Variants in PCDHA11 observed in about 807,000 individuals in gnomAD.
PCDHA11 encodes the protein protocadherin alpha-11.
A neutral mutation model predicts 70.3 loss-of-function variants in PCDHA11; 61 were observed. The observed-to-expected ratio is 0.87, with a 90% CI of 0.71 to 1.07. PCDHA11 has a LOEUF of 1.07. PCDHA11 is among the 50% of genes least tolerant of loss of function. The pLI, the probability that PCDHA11 is intolerant of heterozygous loss-of-function variation, is 0.00. For missense variants in PCDHA11, 1,324 were observed against 1,237.5 expected, an observed-to-expected ratio of 1.07 and a Z score of -1.05; for synonymous variants, 633 against 555.1, an observed-to-expected ratio of 1.14 and a Z score of -1.97.
At chr5:140,918,155 A>T (rs1453787502) in intron 1 of PCDHA11, among the ~76,000 whole-genome samples, 1 of 152,054 alleles carries the variant, frequency 6.6e-6, no homozygotes, top group Admixed American at 6.5e-5. Flanking sequence ...GTGTATGTCT[A>T]TTGTAAATGG....
Position 140,884,200 on chromosome 5 carries a change from C to T in PCDHA11, c.2391+12706C>T, listed in dbSNP as rs2060048327. 2.5e-6 allele frequency: 4 copies of T among 1,613,458 alleles called. No individual in the cohort carries two copies. The Admixed American group carries it at 5.0e-5, about 20-fold the overall frequency. Reference sequence around the variant, plus strand: ...CTCTGGACGAGGTGGACGCGCCGCACCACCGCCTTCTGGTGCTGGTGAAGG... The same window carrying T: ...CTCTGGACGAGGTGGACGCGCCGCATCACCGCCTTCTGGTGCTGGTGAAGG... On this transcript the variant is annotated intron_variant, in intron 1 of 3. Transcript: ENST00000398640.
chr5:140,876,051 A>G, intron 1 of PCDHA11: 2 of 1,613,956 alleles, frequency 1.2e-6, no homozygotes, highest in African/African-American at 2.7e-5. Flanking sequence ...TATTGCCTGA[A>G]TTAGTTCTTC....
intron 1 of PCDHA11, among the ~76,000 whole-genome samples, chr5:140,871,869 T>C (rs1230282991): frequency 6.6e-6 from 1 of 152,230 alleles, no homozygotes; most frequent in Non-Finnish European, 1.5e-5. Context: ...TATGGATTAT[T>C]TAAATTTGCT....
At chr5:140,978,910 T>C in intron 1 of PCDHA11, 39 bp from the exon 2 acceptor site, 1 of 1,613,896 alleles carries the variant, frequency 6.2e-7, no homozygotes, top group Non-Finnish European at 8.5e-7. Context: ...GAACATTGTC[T>C]TGTCATTTTA....
chr5:140,906,050 G>T (rs560570961), intron 1 of PCDHA11, among the ~76,000 whole-genome samples: 2 of 152,268 alleles, frequency 1.3e-5, no homozygotes, highest in African/African-American at 4.8e-5. Flanking sequence ...TATTCTGGCT[G>T]CACTGGCAGC....
At chr5:140,917,518 C>T (rs1159309425) in intron 1 of PCDHA11, among the ~76,000 whole-genome samples, 3 of 152,198 alleles carry the variant, frequency 2.0e-5, no homozygotes, top group Non-Finnish European at 4.4e-5. Context: ...AGGTTTTATT[C>T]TACGGTTTGT....
chr5:141,000,421 A>ATTTTTTTTTTTTT (rs34755515), intron 3 of PCDHA11, among the ~76,000 whole-genome samples: 1 of 27,968 alleles, frequency 3.6e-5, no homozygotes, highest in African/African-American at 1.8e-4. Flanking sequence ...ATATATATAT[A>ATTTTTTTTTTTTT]TTTTTTTTTT....
intron 1 of PCDHA11, among the ~76,000 whole-genome samples, chr5:140,939,735 G>A (rs2092448026): frequency 6.6e-6 from 1 of 152,174 alleles, no homozygotes; most frequent in South Asian, 2.1e-4. Flanking sequence ...GTGTGTAGCT[G>A]TGTATCATTC....
At chr5:140,896,661 G>A (rs553525837) in intron 1 of PCDHA11, among the ~76,000 whole-genome samples, 1 of 152,220 alleles carries the variant, frequency 6.6e-6, no homozygotes. Context: ...ACAGGCATGA[G>A]TCACTGTGCC....
chr5:140,928,690 A>AT lies in PCDHA11; in HGVS notation c.2392-50258dup, dbSNP rs2085447249. On this transcript the variant is annotated intron_variant, in intron 1 of 3. Transcript: ENST00000398640. ...TTCTAATGCCTGGCTTTCCTACCAC[A>AT]TCTCCCGGGCGTCTGACTCTAGTCT... 6 of 1,614,180 alleles carry AT rather than the reference A, an allele frequency of 3.7e-6. No homozygotes were observed. The African/African-American group carries it at 4.0e-5, about 11-fold the overall frequency.
chr5:140,884,410 G>T, intron 1 of PCDHA11: 1 of 1,614,008 alleles, frequency 6.2e-7, no homozygotes, highest in South Asian at 1.1e-5. Context: ...TGGTGCTCAC[G>T]TTGCTGCTGT....
At chr5:140,886,923 A>G (rs2061226884) in intron 1 of PCDHA11, among the ~76,000 whole-genome samples, 1 of 151,812 alleles carries the variant, frequency 6.6e-6, no homozygotes, top group Non-Finnish European at 1.5e-5. Context: ...AGTGTTCTCT[A>G]TGTGCCAGGC....
At chr5:140,975,053 A>C (rs2096651589) in intron 1 of PCDHA11, among the ~76,000 whole-genome samples, 1 of 152,144 alleles carries the variant, frequency 6.6e-6, no homozygotes, top group Admixed American at 6.5e-5. Flanking sequence ...GGAAGAATCT[A>C]CTATCGAGCT....
chr5:140,871,117 G>A lies in PCDHA11; in HGVS notation c.2014G>A (p.Gly672Arg), dbSNP rs2052723130. Reference sequence around the variant, plus strand: ...CGTGCTGGTGTCGTTGGTGGAGAGCGGACAGGCGCCAAAGGCCTCTTCCCG... The same window carrying A: ...CGTGCTGGTGTCGTTGGTGGAGAGCAGACAGGCGCCAAAGGCCTCTTCCCG... ...ATVLVSLVES[G>R]QAPKASSRTL... The change falls in exon 1 of 4, where the codon GGA (glycine) becomes AGA (arginine). Residue 672 changes from glycine (G) to arginine (R), a missense_variant. Transcript: ENST00000398640. 6.2e-7 allele frequency: 1 copy of A among 1,613,286 alleles called. No homozygotes were observed. The highest frequency in any genetic ancestry group is 2.2e-5 in the East Asian group (1 of 44,858).
Position 140,979,003 on chromosome 5 carries a change from C to G in PCDHA11, c.2446C>G (p.His816Asp). ...RYSASLRAGM[H>D]SSVHLEEAGI... Reference sequence around the variant, plus strand: ...CTCTGCCTCCCTGAGAGCAGGCATGCACAGGTATGTATTTCCCTCCTCATT... The same window carrying G: ...CTCTGCCTCCCTGAGAGCAGGCATGGACAGGTATGTATTTCCCTCCTCATT... The change falls in exon 2 of 4, where the codon CAC becomes GAC. Residue 816 changes from histidine (H) to aspartate (D), a missense_variant. By Grantham distance (81) the His-to-Asp change is moderately conservative. Transcript: ENST00000398640. 1.2e-6 allele frequency: 2 copies of G among 1,614,144 alleles called. No homozygotes were observed. The highest frequency in any genetic ancestry group is 1.7e-6 in the Non-Finnish European group (2 of 1,180,022).
rs1408684171 is a variant in PCDHA11 at position 140,870,608 on chromosome 5, C to G, written c.1505C>G (p.Ala502Gly). Residue 502 changes from alanine (A) to glycine (G), a missense_variant, in exon 1 of 4, where the codon GCG becomes GGG. By Grantham distance (60) the Ala-to-Gly change is moderately conservative. Transcript: ENST00000398640. ...SLVERRLGDRALSSYVSVHAE... is the reference protein window; with the variant it reads ...SLVERRLGDRGLSSYVSVHAE... ...GTGGAGCGGCGGTTGGGCGACCGCG[C>G]GCTGTCGAGCTACGTGTCGGTGCAC... The G allele has an allele frequency of 6.2e-7, 1 of 1,613,106 alleles. No individual in the cohort carries two copies. Among genetic ancestry groups the G allele is most frequent in the African/African-American group, 1.3e-5 (1 of 74,934 alleles).
In PCDHA11 at chr5:140,871,364, G is replaced by T. The variant is rs113722940; in HGVS notation, c.2261G>T (p.Arg754Leu). ...VGSWSYSQQRRQRVCSEEGPP... is the reference protein window; with the variant it reads ...VGSWSYSQQRLQRVCSEEGPP... ...AGCTGGTCATACTCGCAGCAGAGGC[G>T]GCAGAGGGTGTGCTCTGAGGAGGGC... is the stretch of plus-strand genomic sequence containing the variant. Residue 754 changes from arginine to leucine, a missense_variant, in exon 1 of 4, where the codon CGG (arginine) becomes CTG (leucine). Coordinates refer to ENST00000398640, the MANE Select transcript of PCDHA11 (RefSeq NM_018902.5). 4 of 1,614,102 alleles carry T rather than the reference G, an allele frequency of 2.5e-6. No homozygotes were observed. Among genetic ancestry groups the T allele is most frequent in the Non-Finnish European group, 3.4e-6 (4 of 1,180,044 alleles).
intron 1 of PCDHA11, among the ~76,000 whole-genome samples, chr5:140,912,495 GC>G (rs2075942069): frequency 6.6e-6 from 1 of 152,084 alleles, no homozygotes. Context: ...AGATCTAGGA[GC>G]TTTTTGGATG....
intron 3 of PCDHA11, among the ~76,000 whole-genome samples, chr5:140,986,642 T>C (rs1213431039): frequency 6.6e-6 from 1 of 152,174 alleles, no homozygotes; most frequent in Non-Finnish European, 1.5e-5. Flanking sequence ...ACATTAGTTT[T>C]AGAGTGGGAG....
Sources: allele counts gnomAD v4.1 joint callset (sites outside exome capture counted in the v4.1 genomes callset), GRCh38; gene constraint gnomAD v4.1.1; transcripts MANE v1.5; gene names NCBI Gene and HGNC (gene_info 2026-07-23, HGNC 2026-07-21).